HAS2: variants seen among roughly 807,000 people sequenced by gnomAD.
HAS2 encodes the protein HA synthase 2.
A neutral mutation model predicts 51.6 loss-of-function variants in HAS2; 16 were observed. The ratio of observed to expected loss-of-function variants is 0.31; its 90% CI spans 0.21 to 0.47. HAS2 has a LOEUF of 0.47. Among genes scored for constraint, HAS2 ranks in the 20% least tolerant of loss-of-function variants. HAS2 has a pLI of 1.00. For missense variants in HAS2, 361 were observed against 662.6 expected, an observed-to-expected ratio of 0.54 and a Z score of 5.00; for synonymous variants, 228 against 235.5, an observed-to-expected ratio of 0.97 and a Z score of 0.29.
chr8:121,639,453 A>AG (rs2130456955), intron 1 of HAS2: 1 of 152,854 alleles, frequency 6.5e-6, no homozygotes, highest in African/African-American at 2.4e-5. Flanking sequence ...GGGCTGCTGC[A>AG]GCTCGTTCGC....
chr8:121,637,294 T>C (rs1813023073), intron 1 of HAS2, among the ~76,000 whole-genome samples: 1 of 152,174 alleles, frequency 6.6e-6, no homozygotes, highest in African/African-American at 2.4e-5. Flanking sequence ...CAGTGTGGCC[T>C]TGTTATATTT....
At chr8:121,635,572 C>A (rs1432835942) in intron 1 of HAS2, among the ~76,000 whole-genome samples, 1 of 152,158 alleles carries the variant, frequency 6.6e-6, no homozygotes, top group African/African-American at 2.4e-5. Context: ...CTCAGACAAA[C>A]CGCTTGAGGG....
At position 121,628,882 on chromosome 8, in the gene HAS2, G is replaced by A. The variant is rs142376799; in HGVS notation, c.459C>T (p.His153=). 2.2e-5 allele frequency: 36 copies of A among 1,613,882 alleles called. No individual in the cohort carries two copies. The highest frequency in any genetic ancestry group is 1.6e-4 in the Middle Eastern group (1 of 6,084). Residue 153 remains histidine (H), a synonymous_variant, in exon 2 of 4, where the codon CAC becomes CAT. Coordinates refer to ENST00000303924, the MANE Select transcript of HAS2 (RefSeq NM_005328.3). ...SATYIWKNNF[H]EKGPGETDES... Reference sequence around the variant, plus strand: ...CATCTGTCTCACCGGGACCCTTTTCGTGGAAGTTGTTCTTCCAGATATAAG... The same window carrying A: ...CATCTGTCTCACCGGGACCCTTTTCATGGAAGTTGTTCTTCCAGATATAAG...
At chr8:121,638,136 A>C (rs562865687) in intron 1 of HAS2, among the ~76,000 whole-genome samples, 2 of 152,192 alleles carry the variant, frequency 1.3e-5, no homozygotes, top group Non-Finnish European at 1.5e-5. Context: ...TTCAAGAAAA[A>C]AATTTTTTTA....
chr8:121,638,088 G>A (rs1397707818), intron 1 of HAS2, among the ~76,000 whole-genome samples: 3 of 152,016 alleles, frequency 2.0e-5, no homozygotes, highest in African/African-American at 7.2e-5. Flanking sequence ...GCCAACAACA[G>A]GAAATAAATG....
At chr8:121,633,481 T>C (rs1275393656) in intron 1 of HAS2, among the ~76,000 whole-genome samples, 1 of 152,086 alleles carries the variant, frequency 6.6e-6, no homozygotes, top group African/African-American at 2.4e-5. Flanking sequence ...AAATGGGAAA[T>C]TGGCACTCAC....
Position 121,628,844 on chromosome 8 carries a change from T to C in HAS2, c.497A>G (p.Glu166Gly), listed in dbSNP as rs1812889715. ...GPGETDESHK[E>G]SSQHVTQLVL... Reference sequence around the variant, plus strand: ...CAATTGCGTTACGTGTTGCGAGCTTTCTTTATGTGACTCATCTGTCTCACC... The same window carrying C: ...CAATTGCGTTACGTGTTGCGAGCTTCCTTTATGTGACTCATCTGTCTCACC... The change falls in exon 2 of 4, where the codon GAA (glutamate) becomes GGA (glycine). Residue 166 changes from glutamate to glycine, a missense_variant. By Grantham distance (98) the Glu-to-Gly change is moderately conservative (BLOSUM62 -2). Around this residue, in one of 5 missense-constraint regions of HAS2, gnomAD observed 145 missense variants for 217.6 expected, o/e 0.67. Coordinates refer to ENST00000303924, the MANE Select transcript of HAS2 (RefSeq NM_005328.3). 1 of 1,614,048 alleles carries C rather than the reference T, an allele frequency of 6.2e-7. No homozygotes were observed. The highest frequency in any genetic ancestry group is 1.1e-5 in the South Asian group (1 of 91,094).
intron 1 of HAS2, among the ~76,000 whole-genome samples, chr8:121,637,165 AT>A (rs1813020902): frequency 6.6e-6 from 1 of 152,180 alleles, no homozygotes; most frequent in African/African-American, 2.4e-5. Flanking sequence ...CTTACAGTAT[AT>A]TTTAAAATTT....
At chr8:121,631,564 G>T (rs562766221) in intron 1 of HAS2, among the ~76,000 whole-genome samples, 1 of 152,204 alleles carries the variant, frequency 6.6e-6, no homozygotes, top group Non-Finnish European at 1.5e-5. Flanking sequence ...ACACCATAGC[G>T]TGTAATGCAG....
At position 121,628,944 on chromosome 8, in the gene HAS2, T is replaced by G; in HGVS notation, c.397A>C (p.Ile133Leu). ...TCTCTGCCCATGACTTCACTGAAGA[T>G]GTCCATCATGTAAAGGTCATCTTCT... is the stretch of plus-strand genomic sequence containing the variant. ...NSEDDLYMMDIFSEVMGRDKS... is the reference protein window; with the variant it reads ...NSEDDLYMMDLFSEVMGRDKS... The change falls in exon 2 of 4, where the codon ATC becomes CTC. Residue 133 changes from isoleucine (I) to leucine (L), a missense_variant. Physicochemically the swap from Ile to Leu is conservative, Grantham distance 5. Coordinates refer to ENST00000303924, the MANE Select transcript of HAS2 (RefSeq NM_005328.3). The G allele has an allele frequency of 6.2e-7, 1 of 1,614,138 alleles. No homozygotes were observed. Among genetic ancestry groups the G allele is most frequent in the Non-Finnish European group, 8.5e-7 (1 of 1,179,968 alleles).
At chr8:121,626,988 T>C (rs1812863231) in intron 2 of HAS2, among the ~76,000 whole-genome samples, 1 of 152,100 alleles carries the variant, frequency 6.6e-6, no homozygotes, top group African/African-American at 2.4e-5. Flanking sequence ...TTTGTATTAT[T>C]TTTTTCCTGG....
At position 121,628,908 on chromosome 8, in the gene HAS2, T is replaced by G; in HGVS notation, c.433A>C (p.Thr145Pro). The change falls in exon 2 of 4, where the codon ACT becomes CCT. Residue 145 changes from threonine to proline, a missense_variant. Transcript: ENST00000303924. ...TGGAAGTTGTTCTTCCAGATATAAG[T>G]GGCTGATTTGTCTCTGCCCATGACT... The part of the protein sequence containing the change: ...SEVMGRDKSA[T>P]YIWKNNFHEK... 6.2e-7 allele frequency: 1 copy of G among 1,614,112 alleles called. No homozygotes were observed. Among genetic ancestry groups the G allele is most frequent in the Non-Finnish European group, 8.5e-7 (1 of 1,179,948 alleles).
intron 2 of HAS2, among the ~76,000 whole-genome samples, chr8:121,620,032 A>G (rs778333927): frequency 5.3e-5 from 8 of 152,172 alleles, no homozygotes; most frequent in African/African-American, 7.2e-5. Flanking sequence ...TCCAATAGCA[A>G]AGTGCCAGAA....
chr8:121,616,536 A>G (rs1812705441), intron 3 of HAS2, among the ~76,000 whole-genome samples: 2 of 151,308 alleles, frequency 1.3e-5, no homozygotes, highest in South Asian at 4.2e-4. Flanking sequence ...TCCCAGGTCC[A>G]AGAATTCTCT....
chr8:121,629,251 A>G lies in HAS2; in HGVS notation c.90T>C (p.Tyr30=). ...TTTGGATAAACTGGTAGCCAACAAT[A>G]TAAGCAGCTGTGATTCCAAGGAGGA... ...VSLLLGITAA[Y]IVGYQFIQTD... The change falls in exon 2 of 4, where the codon TAT becomes TAC. Residue 30 remains tyrosine, a synonymous_variant. Transcript: ENST00000303924. The G allele has an allele frequency of 6.2e-7, 1 of 1,613,838 alleles. No individual in the cohort carries two copies. The highest frequency in any genetic ancestry group is 1.3e-5 in the African/African-American group (1 of 75,044).
intron 1 of HAS2, among the ~76,000 whole-genome samples, chr8:121,637,128 T>A (rs1013337800): frequency 6.6e-6 from 1 of 152,198 alleles, no homozygotes; most frequent in African/African-American, 2.4e-5. Context: ...ATAGCTGTTG[T>A]TTCTTATGGG....
chr8:121,614,021 T>C lies in HAS2; in HGVS notation c.*88A>G. The C allele has an allele frequency of 6.2e-7, 1 of 1,603,234 alleles. No individual in the cohort carries two copies. The highest frequency in any genetic ancestry group is 8.5e-7 in the Non-Finnish European group (1 of 1,175,910). On this transcript the variant is annotated 3_prime_UTR_variant, in exon 4 of 4. Coordinates refer to ENST00000303924, the MANE Select transcript of HAS2 (RefSeq NM_005328.3). The surrounding 1 kb of genome is among the most constrained non-coding windows in gnomAD (Gnocchi z 7.2). ...CCCAGCAGCAGTGATATGTCTCCTTTGGTGGCATTATCTGATGCCACAATA... is the reference window on the plus strand; with the variant it reads ...CCCAGCAGCAGTGATATGTCTCCTTCGGTGGCATTATCTGATGCCACAATA...
chr8:121,638,136 A>T (rs562865687), intron 1 of HAS2, among the ~76,000 whole-genome samples: 25 of 152,310 alleles, frequency 1.6e-4, no homozygotes, highest in African/African-American at 6.0e-4. Flanking sequence ...TTCAAGAAAA[A>T]AATTTTTTTA....
Position 121,629,121 on chromosome 8 carries a change from A to AT in HAS2, c.219dup (p.Ser74IlefsTer42). ...TTCAACTTTATGGGGGTTTCTAGGG[A>AT]TTTTTTCATTTTTCGGTGCTCCAAA... On this transcript the variant is annotated frameshift_variant, in exon 2 of 4. Coordinates refer to ENST00000303924, the MANE Select transcript of HAS2 (RefSeq NM_005328.3). LOFTEE classifies it high-confidence loss of function. 1 of 1,613,990 alleles carries AT rather than the reference A, an allele frequency of 6.2e-7. No individual in the cohort carries two copies. Among genetic ancestry groups the AT allele is most frequent in the Non-Finnish European group, 8.5e-7 (1 of 1,179,946 alleles).
Sources: allele counts gnomAD v4.1 joint callset (sites outside exome capture counted in the v4.1 genomes callset), GRCh38; gene constraint gnomAD v4.1.1; regional missense constraint gnomAD v4.1.1; non-coding constraint Gnocchi (gnomAD v3.1); transcripts MANE v1.5; gene names NCBI Gene and HGNC (gene_info 2026-07-23, HGNC 2026-07-21).